LRP1B: variants seen among roughly 807,000 people sequenced by gnomAD.
LRP1B encodes the protein LDL receptor related protein 1B.
A neutral mutation model predicts 556.6 loss-of-function variants in LRP1B; 217 were observed. The observed-to-expected ratio is 0.39, with a 90% CI of 0.35 to 0.44. The LOEUF is 0.44. Among genes scored for constraint, LRP1B ranks in the 20% least tolerant of loss-of-function variants. LRP1B has a pLI of 1.00. For missense variants in LRP1B, 5,053 were observed against 5,620.8 expected (o/e 0.90, Z 3.23); for synonymous variants, 2,047 against 1,865.8 (o/e 1.10, Z -2.50).
At chr2:140,315,792 T>C (rs753693042) in intron 82 of LRP1B, among the ~76,000 whole-genome samples, 13 of 152,256 alleles carry the variant, frequency 8.5e-5, no homozygotes, top group Non-Finnish European at 1.6e-4. Flanking sequence ...AGCCTATGCG[T>C]GTGTGAATAT....
At chr2:141,152,237 A>T (rs1230257761) in intron 7 of LRP1B, among the ~76,000 whole-genome samples, 1 of 151,966 alleles carries the variant, frequency 6.6e-6, no homozygotes, top group African/African-American at 2.4e-5. Context: ...TTAGAGTACA[A>T]ATAATAATAG....
intron 51 of LRP1B, 114 bp downstream of exon 51, chr2:140,514,539 A>T: frequency 2.3e-6 from 2 of 884,272 alleles, no homozygotes; most frequent in Non-Finnish European, 3.3e-6. Flanking sequence ...CTAGAAAGGT[A>T]CACATAAATT....
chr2:142,108,123 A>G (rs1706822063), intron 1 of LRP1B, among the ~76,000 whole-genome samples: 1 of 151,276 alleles, frequency 6.6e-6, no homozygotes, highest in South Asian at 2.1e-4. Context: ...CACATTTCTG[A>G]AAATCAAATA....
chr2:141,530,621 C>T (rs191454568), intron 2 of LRP1B, among the ~76,000 whole-genome samples: 255 of 151,708 alleles, frequency 1.7e-3, no homozygotes, highest in African/African-American at 5.4e-3. Context: ...AAAGTGCAAT[C>T]GAAAAATAAA....
chr2:141,693,406 C>A (rs944781275), intron 2 of LRP1B, among the ~76,000 whole-genome samples: 3 of 151,814 alleles, frequency 2.0e-5, no homozygotes, highest in Non-Finnish European at 2.9e-5. Flanking sequence ...TAACCATTCC[C>A]AAATTTATTA....
At chr2:141,340,915 G>A (rs1180082437) in intron 3 of LRP1B, among the ~76,000 whole-genome samples, 1 of 152,154 alleles carries the variant, frequency 6.6e-6, no homozygotes, top group Middle Eastern at 3.2e-3. Flanking sequence ...AACTCAAGAG[G>A]AGAGTTTGGG....
chr2:140,271,169 T>C (rs1044961249), intron 85 of LRP1B, among the ~76,000 whole-genome samples: 2 of 151,906 alleles, frequency 1.3e-5, no homozygotes, highest in African/African-American at 2.4e-5. Context: ...AATAATTAGA[T>C]TGGACAGTGA....
At chr2:141,242,907 C>T (rs1461706162) in intron 5 of LRP1B, among the ~76,000 whole-genome samples, 2 of 152,060 alleles carry the variant, frequency 1.3e-5, no homozygotes, top group Non-Finnish European at 2.9e-5. Flanking sequence ...ATTATTTTTA[C>T]TGTCACAAGT....
At chr2:141,056,210 T>C (rs907355136) in intron 9 of LRP1B, among the ~76,000 whole-genome samples, 3 of 151,906 alleles carry the variant, frequency 2.0e-5, no homozygotes, top group African/African-American at 7.2e-5. Flanking sequence ...AAGAGTGTTA[T>C]TGTTATTTTC....
intron 43 of LRP1B, among the ~76,000 whole-genome samples, chr2:140,588,537 G>T (rs930658741): frequency 6.6e-6 from 1 of 152,142 alleles, no homozygotes; most frequent in African/African-American, 2.4e-5. Flanking sequence ...AAATAACTTT[G>T]AAAATCAAGG....
intron 72 of LRP1B, among the ~76,000 whole-genome samples, chr2:140,363,603 T>A (rs1190203826): frequency 6.6e-6 from 1 of 151,596 alleles, no homozygotes; most frequent in African/African-American, 2.4e-5. Context: ...TCTAAGATTA[T>A]GTAAAGAAAA....
chr2:140,862,853 G>A (rs1274882002), intron 27 of LRP1B, among the ~76,000 whole-genome samples: 2 of 152,122 alleles, frequency 1.3e-5, no homozygotes, highest in Admixed American at 6.6e-5. Context: ...GTTGAAGGCC[G>A]AAATAGAATA....
At chr2:141,452,717 G>A (rs1261556476) in intron 3 of LRP1B, among the ~76,000 whole-genome samples, 1 of 152,140 alleles carries the variant, frequency 6.6e-6, no homozygotes, top group African/African-American at 2.4e-5. Context: ...CTTGTTTGTA[G>A]CTATTCCTCA....
intron 1 of LRP1B, among the ~76,000 whole-genome samples, chr2:142,101,584 A>T (rs562448551): frequency 6.6e-6 from 1 of 152,112 alleles, no homozygotes; most frequent in South Asian, 2.1e-4. Context: ...TAAGGTAGAC[A>T]TAGATTGGAA....
At chr2:141,823,228 T>TAAAAAGA (rs764759974) in intron 1 of LRP1B, among the ~76,000 whole-genome samples, 3 of 151,778 alleles carry the variant, frequency 2.0e-5, no homozygotes, top group Non-Finnish European at 4.4e-5. Flanking sequence ...TCCTTTCTAC[T>TAAAAAGA]AAAAAGAAAA....
At chr2:141,345,276 C>T (rs1440778497) in intron 3 of LRP1B, among the ~76,000 whole-genome samples, 1 of 152,034 alleles carries the variant, frequency 6.6e-6, no homozygotes, top group Non-Finnish European at 1.5e-5. Flanking sequence ...TTTCAGAAAT[C>T]CAACTTCCAT....
intron 86 of LRP1B, among the ~76,000 whole-genome samples, chr2:140,261,502 A>G (rs1473791572): frequency 6.6e-6 from 1 of 151,876 alleles, no homozygotes; most frequent in African/African-American, 2.4e-5. Context: ...AGAAGTTTAT[A>G]TCCTAGAAAA....
At chr2:141,628,155 T>C (rs1688769897) in intron 2 of LRP1B, among the ~76,000 whole-genome samples, 1 of 152,188 alleles carries the variant, frequency 6.6e-6, no homozygotes, top group East Asian at 1.9e-4. Flanking sequence ...AAACTTGACA[T>C]TACAGAGTAA....
At chr2:141,451,144 T>A (rs1681407402) in intron 3 of LRP1B, among the ~76,000 whole-genome samples, 3 of 152,322 alleles carry the variant, frequency 2.0e-5, no homozygotes, top group Admixed American at 6.5e-5. Flanking sequence ...TAATACCTGA[T>A]AAGAGACATT....
Sources: allele counts gnomAD v4.1 joint callset (sites outside exome capture counted in the v4.1 genomes callset), GRCh38; gene constraint gnomAD v4.1.1; transcripts MANE v1.5; gene names NCBI Gene and HGNC (gene_info 2026-07-23, HGNC 2026-07-21).